DNAH8: variants seen among roughly 807,000 people sequenced by gnomAD.
The protein encoded by DNAH8 is dynein axonemal heavy chain 8.
DNAH8 carries 382 observed loss-of-function variants against 562.1 expected under a neutral mutation model. That is an observed-to-expected ratio of 0.68 (90% confidence interval 0.63 to 0.74). The LOEUF (loss-of-function observed/expected upper bound fraction) is 0.74, where lower values mean the gene tolerates loss of function less well. Ranked by LOEUF, DNAH8 falls within the 30% of genes least tolerant of loss-of-function variation. The pLI is 0.00. For missense variants in DNAH8, 5,203 were observed against 5,620.4 expected, an observed-to-expected ratio of 0.93 and a Z score of 2.37; for synonymous variants, 1,881 against 1,919.4, an observed-to-expected ratio of 0.98 and a Z score of 0.52.
intron 6 of DNAH8, 111 bp from the exon 7 acceptor site, chr6:38,737,698 A>C (rs1764203772): frequency 2.4e-6 from 1 of 408,652 alleles, no homozygotes; most frequent in Non-Finnish European, 3.7e-6. Flanking sequence ...GACTTTTAAC[A>C]CATTGACATT....
intron 81 of DNAH8, among the ~76,000 whole-genome samples, chr6:38,950,070 CA>C (rs952214819): frequency 3.9e-5 from 6 of 151,900 alleles, no homozygotes; most frequent in Non-Finnish European, 8.8e-5. Flanking sequence ...AAAATGGAAA[CA>C]AAAGTTTGAA....
rs766636793 is a variant in DNAH8 at position 39,026,569 on chromosome 6, G to T, written c.13738G>T (p.Glu4580Ter). ...PQGFLTAMRQ[E>*]VTRAHKGWAL... ...AGGCTTCCTCACAGCAATGAGGCAA[G>T]AAGTGACCCGTGCCCACAAAGGCTG... Residue 4580 changes from glutamate (E) to a stop codon, truncating the protein, a stop_gained, in exon 92 of 93, where the codon GAA becomes TAA. Transcript: ENST00000327475. LOFTEE classifies it high-confidence loss of function. 1.9e-6 allele frequency: 3 copies of T among 1,613,016 alleles called. No homozygotes were observed. The highest frequency in any genetic ancestry group is 2.5e-6 in the Non-Finnish European group (3 of 1,179,836).
intron 30 of DNAH8, 79 bp from the exon 31 acceptor site, chr6:38,832,243 A>T: frequency 1.2e-6 from 1 of 825,728 alleles, no homozygotes; most frequent in South Asian, 1.6e-5. Flanking sequence ...TGTGAGATAC[A>T]CTTGTTGGAA....
At position 38,777,389 on chromosome 6, in the gene DNAH8, CT is replaced by C. The variant is rs540363162; in HGVS notation, c.1963-995del. 3.9e-3 allele frequency among the ~76,000 whole-genome samples: 586 copies of C among 152,062 alleles called. 8 individuals carry two copies. The highest frequency in any genetic ancestry group is 0.014 in the African/African-American group (567 of 41,468). On this transcript the variant is annotated intron_variant, in intron 13 of 92. Coordinates refer to ENST00000327475, the MANE Select transcript of DNAH8 (RefSeq NM_001206927.2). Reference sequence around the variant, plus strand: ...TTCAGTAAATTACAGCAATATTAACCTTTTAATAGTTAAATAATTTACTTGA... The same window carrying C: ...TTCAGTAAATTACAGCAATATTAACCTTTAATAGTTAAATAATTTACTTGA...
rs1217413328 is a variant in DNAH8 at position 38,863,909 on chromosome 6, A to G, written c.6347A>G (p.Glu2116Gly). 1 of 1,603,440 alleles carries G rather than the reference A, an allele frequency of 6.2e-7. No individual in the cohort carries two copies. Among genetic ancestry groups the G allele is most frequent in the Non-Finnish European group, 8.5e-7 (1 of 1,177,780 alleles). ...TCGGGTTCCTGGGGCTGTTTTGATG[A>G]GTTTAACAGAATTGAATTGCCTGTA... is the stretch of plus-strand genomic sequence containing the variant. Reference protein sequence around the residue: ...AQSGSWGCFDEFNRIELPVLS... With the variant: ...AQSGSWGCFDGFNRIELPVLS... Residue 2116 changes from glutamate to glycine, a missense_variant, in exon 45 of 93, where the codon GAG becomes GGG. By Grantham distance (98) the Glu-to-Gly change is moderately conservative (BLOSUM62 -2). Transcript: ENST00000327475.
chr6:38,765,133 G>A (rs1387352242), intron 11 of DNAH8, among the ~76,000 whole-genome samples: 1 of 152,184 alleles, frequency 6.6e-6, no homozygotes, highest in Non-Finnish European at 1.5e-5. Context: ...ACTGCGCCTG[G>A]CCTCATTTGC....
At chr6:39,008,467 G>A (rs73412496) in intron 88 of DNAH8, among the ~76,000 whole-genome samples, 1,741 of 152,260 alleles carry the variant, frequency 0.011, 41 homozygotes, top group African/African-American at 0.039. Context: ...CTATAGCAGG[G>A]GAGAGTGAAA....
At chr6:39,008,728 T>A (rs1765974062) in intron 88 of DNAH8, 86 bp from the exon 89 acceptor site, 4 of 658,818 alleles carry the variant, frequency 6.1e-6, no homozygotes, top group Non-Finnish European at 9.4e-6. Context: ...TTGATTTAAG[T>A]GATTCTATCA....
intron 91 of DNAH8, among the ~76,000 whole-genome samples, chr6:39,019,032 T>G (rs531683333): frequency 4.3e-4 from 65 of 152,218 alleles, no homozygotes; most frequent in African/African-American, 1.6e-3. Flanking sequence ...GGAGTAGGTA[T>G]AAGAATAAAA....
rs528697948 is a variant in DNAH8 at position 38,896,909 on chromosome 6, C to T, written c.8940+684C>T. Among the ~76,000 whole-genome samples, 10 of 152,310 alleles carry T rather than the reference C, an allele frequency of 6.6e-5. No homozygotes were observed. In the South Asian group the frequency reaches 2.1e-3, roughly 32 times the overall value. On this transcript the variant is annotated intron_variant, in intron 60 of 92. Transcript: ENST00000327475. The stretch of plus-strand genomic sequence containing the variant: ...CAAGCAATTCTCCTGCCTCAGCCTC[C>T]CGAGTAGCTGGGATTACAGGTGCCC...
chr6:38,832,910 C>T (rs922114889), intron 31 of DNAH8, among the ~76,000 whole-genome samples: 11 of 151,478 alleles, frequency 7.3e-5, no homozygotes, highest in African/African-American at 2.7e-4. Context: ...CTGGTTTTGT[C>T]TTTTCTCGGG....
intron 83 of DNAH8, among the ~76,000 whole-genome samples, chr6:38,972,888 C>G (rs1474237791): frequency 6.6e-6 from 1 of 152,194 alleles, no homozygotes; most frequent in Non-Finnish European, 1.5e-5. Flanking sequence ...GGCACATCCC[C>G]TTTACTAGTT....
intron 12 of DNAH8, among the ~76,000 whole-genome samples, chr6:38,774,503 C>G (rs1018338723): frequency 2.0e-4 from 30 of 152,126 alleles, no homozygotes; most frequent in African/African-American, 7.2e-4. Flanking sequence ...CTTTATGTTG[C>G]TCTGTGTGGT....
intron 91 of DNAH8, among the ~76,000 whole-genome samples, chr6:39,020,297 T>C (rs138152585): frequency 3.1e-4 from 47 of 152,282 alleles, no homozygotes; most frequent in African/African-American, 1.0e-3. Context: ...GTGCCTGTAC[T>C]CTTCCCACTT....
intron 91 of DNAH8, among the ~76,000 whole-genome samples, chr6:39,020,087 A>G (rs1561983092): frequency 1.3e-5 from 2 of 152,224 alleles, no homozygotes; most frequent in South Asian, 4.1e-4. Flanking sequence ...CAAGGAAAAG[A>G]TAGTTCAGGG....
intron 30 of DNAH8, among the ~76,000 whole-genome samples, chr6:38,830,788 G>T (rs916618244): frequency 6.6e-6 from 1 of 151,988 alleles, no homozygotes. Context: ...AGACATAACA[G>T]CAAGGAGACA....
chr6:38,791,747 A>G lies in DNAH8; in HGVS notation c.2901+73A>G, dbSNP rs1007626620. The G allele has an allele frequency of 4.5e-5, 68 of 1,515,540 alleles. No homozygotes were observed. The African/African-American group carries it at 6.2e-4, about 14-fold the overall frequency. 93.9% of individuals were successfully genotyped at this position (1,515,540 alleles called of 1,614,324 possible). On this transcript the variant is annotated intron_variant, in intron 21 of 92. Transcript: ENST00000327475. ...AACCTAAAATGTGAAATTTCAGTCT[A>G]AAAGTAGAAACCTGGGTCAGTAGCA...
At chr6:38,983,690 T>A (rs1764181490) in intron 86 of DNAH8, among the ~76,000 whole-genome samples, 1 of 152,322 alleles carries the variant, frequency 6.6e-6, no homozygotes, top group Admixed American at 6.5e-5. Flanking sequence ...TAATAAATAT[T>A]TTGATGTAGT....
chr6:38,801,764 T>TA (rs1770795760), intron 21 of DNAH8, among the ~76,000 whole-genome samples: 1 of 152,120 alleles, frequency 6.6e-6, no homozygotes, highest in Non-Finnish European at 1.5e-5. Flanking sequence ...CTCCTGGGAC[T>TA]AAAAAATGAT....
Sources: gnomAD v4.1 joint callset for allele counts (sites outside exome capture counted in the v4.1 genomes callset) on GRCh38, gnomAD v4.1.1 for gene constraint, MANE v1.5 for transcripts, NCBI Gene and HGNC (gene_info 2026-07-23, HGNC 2026-07-21) for gene names.